Variants in RPS6KC1 observed in about 807,000 individuals in gnomAD.
RPS6KC1 encodes the protein ribosomal protein S6 kinase C1, also known as inactive ribosomal protein S6 kinase delta-1.
RPS6KC1 carries 54 observed loss-of-function variants against 103.8 expected under a neutral mutation model. The ratio of observed to expected loss-of-function variants is 0.52; its 90% CI spans 0.42 to 0.65. The LOEUF is 0.65. Ranked by LOEUF, RPS6KC1 falls within the 30% of genes least tolerant of loss-of-function variation. The pLI is 0.00. For missense variants in RPS6KC1, 1,151 were observed against 1,253.8 expected (o/e 0.92, Z 1.24); for synonymous variants, 439 against 438.7 (o/e 1.00, Z -0.01).
In RPS6KC1 at chr1:213,149,265, CTT is replaced by C. The variant is rs544186569; in HGVS notation, c.836-18588_836-18587del. ...AAGATGCTCATTTGAAGTTTTTCCT[CTT>C]TTTTGATGTAGGCACTTGTAGTTCT... On this transcript the variant is annotated intron_variant, in intron 6 of 14. Coordinates refer to ENST00000366960, the MANE Select transcript of RPS6KC1 (RefSeq NM_012424.6). Among the ~76,000 whole-genome samples the C allele has an allele frequency of 2.6e-4, 39 of 152,084 alleles. No individual in the cohort carries two copies. The South Asian group carries it at 7.5e-3, about 29-fold the overall frequency.
chr1:213,455,477 G>A, the RPS6KC1 span, among the ~76,000 whole-genome samples: 2 of 152,214 alleles, frequency 1.3e-5, no homozygotes, highest in African/African-American at 2.4e-5. Context: ...CAGGTACTGA[G>A]TTCTGTCTGG....
At chr1:213,725,891 T>G in the RPS6KC1 span, among the ~76,000 whole-genome samples, 1 of 152,226 alleles carries the variant, frequency 6.6e-6, no homozygotes, top group African/African-American at 2.4e-5. Context: ...GGCAAATATG[T>G]TTTCCCAATT....
At chr1:213,086,088 T>C (rs2080369252) in intron 3 of RPS6KC1, among the ~76,000 whole-genome samples, 1 of 152,198 alleles carries the variant, frequency 6.6e-6, no homozygotes, top group Non-Finnish European at 1.5e-5. Context: ...CAGTTTATTG[T>C]ATTTTAGCTC....
the RPS6KC1 span, among the ~76,000 whole-genome samples, chr1:213,739,540 A>G: frequency 6.6e-6 from 1 of 152,220 alleles, no homozygotes; most frequent in Admixed American, 6.5e-5. Context: ...TCAAATGGAA[A>G]AAGACACCAT....
chr1:213,257,533 C>A (rs2094676659), intron 12 of RPS6KC1, among the ~76,000 whole-genome samples: 1 of 152,152 alleles, frequency 6.6e-6, no homozygotes, highest in Non-Finnish European at 1.5e-5. Flanking sequence ...AGTCACCATA[C>A]CCAAATAAGT....
At chr1:213,343,397 A>G in the RPS6KC1 span, among the ~76,000 whole-genome samples, 52 of 9,112 alleles carry the variant, frequency 5.7e-3, 4 homozygotes, top group African/African-American at 0.011. Context: ...GTGTGTATAT[A>G]TATATATATA....
the RPS6KC1 span, among the ~76,000 whole-genome samples, chr1:213,473,494 G>A: frequency 7.9e-5 from 12 of 152,186 alleles, no homozygotes; most frequent in African/African-American, 2.9e-4. Context: ...GACATCAACT[G>A]CATAGCAGTG....
chr1:213,389,398 G>A, the RPS6KC1 span, among the ~76,000 whole-genome samples: 14 of 152,206 alleles, frequency 9.2e-5, no homozygotes, highest in Non-Finnish European at 1.5e-4. Context: ...AGGAGGCAGC[G>A]CGGGCAGGCC....
intron 10 of RPS6KC1, among the ~76,000 whole-genome samples, 170 bp downstream of exon 10, chr1:213,232,425 C>T (rs1187035152): frequency 6.6e-6 from 1 of 152,080 alleles, no homozygotes; most frequent in African/African-American, 2.4e-5. Context: ...AAATGAAAAC[C>T]CAGGTGAACA....
At chr1:213,717,035 C>T in the RPS6KC1 span, among the ~76,000 whole-genome samples, 6 of 152,176 alleles carry the variant, frequency 3.9e-5, no homozygotes, top group Non-Finnish European at 7.3e-5. Flanking sequence ...AGAAATTCTG[C>T]GCTGATTCCA....
the RPS6KC1 span, among the ~76,000 whole-genome samples, chr1:213,588,853 C>T: frequency 6.6e-6 from 1 of 152,146 alleles, no homozygotes; most frequent in Non-Finnish European, 1.5e-5. Flanking sequence ...TCTCCACTAG[C>T]GCTCTCACTG....
At chr1:213,370,281 TA>T in the RPS6KC1 span, among the ~76,000 whole-genome samples, 6 of 151,902 alleles carry the variant, frequency 3.9e-5, no homozygotes, top group East Asian at 3.9e-4. Flanking sequence ...TATTTTATTT[TA>T]TTTTTTTTGC....
chr1:213,716,899 C>T, the RPS6KC1 span, among the ~76,000 whole-genome samples: 163 of 152,256 alleles, frequency 1.1e-3, no homozygotes, highest in Non-Finnish European at 1.4e-3. Flanking sequence ...GTTTATTTAA[C>T]TTATGAGAAA....
chr1:213,297,979 G>T, the RPS6KC1 span, among the ~76,000 whole-genome samples: 1 of 152,112 alleles, frequency 6.6e-6, no homozygotes, highest in Non-Finnish European at 1.5e-5. Flanking sequence ...CTAAGAAACT[G>T]CTTCTTTCTT....
chr1:213,695,371 A>G, the RPS6KC1 span, among the ~76,000 whole-genome samples: 2 of 152,190 alleles, frequency 1.3e-5, no homozygotes, highest in Non-Finnish European at 2.9e-5. Context: ...GCGAGTAGGT[A>G]CAATACCTGT....
intron 7 of RPS6KC1, among the ~76,000 whole-genome samples, chr1:213,169,780 A>T (rs570188334): frequency 2.0e-5 from 3 of 147,808 alleles, no homozygotes; most frequent in African/African-American, 7.5e-5. Context: ...TAAATTTTTA[A>T]GTTTTTTTTT....
At chr1:213,811,097 C>T in the RPS6KC1 span, among the ~76,000 whole-genome samples, 3 of 152,214 alleles carry the variant, frequency 2.0e-5, no homozygotes, top group Non-Finnish European at 4.4e-5. Context: ...TTATTTATAG[C>T]ACTCTACTTA....
chr1:213,298,191 GTTCTAGCAAA>G, the RPS6KC1 span, among the ~76,000 whole-genome samples: 1 of 152,200 alleles, frequency 6.6e-6, no homozygotes, highest in Non-Finnish European at 1.5e-5. Context: ...CGTCTTCTAC[GTTCTAGCAAA>G]TTCTTGAATA....
At chr1:213,419,974 A>C in the RPS6KC1 span, among the ~76,000 whole-genome samples, 1 of 152,246 alleles carries the variant, frequency 6.6e-6, no homozygotes, top group South Asian at 2.1e-4. Flanking sequence ...AAACATTTCC[A>C]TTCACACATG....
Sources: allele counts gnomAD v4.1 joint callset (sites outside exome capture counted in the v4.1 genomes callset), GRCh38; gene constraint gnomAD v4.1.1; transcripts MANE v1.5; gene names NCBI Gene and HGNC (gene_info 2026-07-23, HGNC 2026-07-21).